Variants in MAGI3 observed in about 807,000 individuals in gnomAD.
MAGI3 encodes the protein membrane-associated guanylate kinase, WW and PDZ domain-containing protein 3.
MAGI3 carries 43 observed loss-of-function variants against 121.8 expected under a neutral mutation model. The ratio of observed to expected loss-of-function variants is 0.35; its 90% CI spans 0.28 to 0.46. The LOEUF (loss-of-function observed/expected upper bound fraction) is 0.46. Ranked by LOEUF, MAGI3 falls within the 20% of genes least tolerant of loss-of-function variation. The pLI, the probability that MAGI3 is intolerant of heterozygous loss-of-function variation, is 1.00. For missense variants in MAGI3, 1,547 were observed against 1,797.3 expected, an observed-to-expected ratio of 0.86 and a Z score of 2.52; for synonymous variants, 553 against 639.3, an observed-to-expected ratio of 0.86 and a Z score of 2.04.
chr1:113,407,637 C>T (rs184312841), intron 1 of MAGI3, among the ~76,000 whole-genome samples: 162 of 151,826 alleles, frequency 1.1e-3, no homozygotes, highest in East Asian at 3.1e-3. Context: ...CTTTTAAGTG[C>T]CCAGTTTTTC....
chr1:113,683,605 T>C lies in MAGI3; in HGVS notation c.4037T>C (p.Leu1346Ser). ...VIRKDAKQNQ[L>S]EKSRTRSPEK... The stretch of plus-strand genomic sequence containing the variant: ...AGGAAAGATGCAAAGCAGAATCAGT[T>C]GGAAAAAAGCAGAACAAGGTCTCCA... Residue 1346 changes from leucine (L) to serine (S), a missense_variant, in exon 21 of 21, where the codon TTG becomes TCG. Transcript: ENST00000307546. The C allele has an allele frequency of 6.2e-7, 1 of 1,613,568 alleles. No homozygotes were observed. Among genetic ancestry groups the C allele is most frequent in the Non-Finnish European group, 8.5e-7 (1 of 1,179,812 alleles).
chr1:113,682,665 A>G, intron 20 of MAGI3: 1 of 977,592 alleles, frequency 1.0e-6, no homozygotes, highest in Non-Finnish European at 1.2e-6. Context: ...ATGTAATTGG[A>G]AAAAATGAAT....
intron 1 of MAGI3, among the ~76,000 whole-genome samples, chr1:113,528,292 AC>A (rs1299719344): frequency 7.1e-6 from 1 of 140,588 alleles, no homozygotes; most frequent in African/African-American, 2.6e-5. Context: ...ACCTCCCCCA[AC>A]CTTTTTTTTT....
intron 8 of MAGI3, among the ~76,000 whole-genome samples, chr1:113,621,554 T>C (rs1650820831): frequency 6.6e-6 from 1 of 152,056 alleles, no homozygotes; most frequent in Admixed American, 6.6e-5. Flanking sequence ...CCAAGATGAA[T>C]GAAAATATGT....
chr1:113,539,863 A>G (rs1368773410), intron 1 of MAGI3, among the ~76,000 whole-genome samples: 1 of 150,456 alleles, frequency 6.6e-6, no homozygotes, highest in Non-Finnish European at 1.5e-5. Flanking sequence ...ATCATGGCTC[A>G]CTGTAGCTTC....
At chr1:113,666,957 A>G (rs1338221356) in intron 16 of MAGI3, among the ~76,000 whole-genome samples, 2 of 152,198 alleles carry the variant, frequency 1.3e-5, no homozygotes, top group Non-Finnish European at 2.9e-5. Context: ...TTTTGAAAGG[A>G]ATCTTTTTTT....
chr1:113,642,468 A>C lies in MAGI3; in HGVS notation c.1918A>C (p.Lys640Gln), dbSNP rs1373155611. Reference sequence around the variant, plus strand: ...ACATCTCCAAGTGGTAGAGGTGCTAAAGCAGTTTCCAGTAGGTGCTGATGT... The same window carrying C: ...ACATCTCCAAGTGGTAGAGGTGCTACAGCAGTTTCCAGTAGGTGCTGATGT... Reference protein sequence around the residue: ...LTHLQVVEVLKQFPVGADVPL... With the variant: ...LTHLQVVEVLQQFPVGADVPL... Residue 640 changes from lysine to glutamine, a missense_variant, in exon 10 of 21, where the codon AAG becomes CAG. Lys to Gln is a moderately conservative substitution (Grantham distance 53, BLOSUM62 1). Transcript: ENST00000307546. 6.8e-6 allele frequency: 11 copies of C among 1,614,006 alleles called. No individual in the cohort carries two copies. Among genetic ancestry groups the C allele is most frequent in the Non-Finnish European group, 9.3e-6 (11 of 1,179,992 alleles).
chr1:113,446,017 A>T (rs1654159653), intron 1 of MAGI3, among the ~76,000 whole-genome samples: 1 of 152,218 alleles, frequency 6.6e-6, no homozygotes, highest in Non-Finnish European at 1.5e-5. Flanking sequence ...TTATTGTAAC[A>T]ACAGTTTGTA....
intron 14 of MAGI3, among the ~76,000 whole-genome samples, chr1:113,651,409 G>A (rs1390243678): frequency 6.6e-6 from 1 of 152,034 alleles, no homozygotes; most frequent in East Asian, 1.9e-4. Flanking sequence ...ATAAATTTTG[G>A]GCTTCTATAT....
At chr1:113,665,363 ATGTG>A (rs1318743097) in intron 16 of MAGI3, among the ~76,000 whole-genome samples, 2 of 151,856 alleles carry the variant, frequency 1.3e-5, no homozygotes, top group African/African-American at 2.4e-5. Context: ...GGCTGATGAT[ATGTG>A]TGTGTGTGTA....
intron 13 of MAGI3, among the ~76,000 whole-genome samples, chr1:113,649,696 C>G (rs1016415285): frequency 8.5e-5 from 13 of 152,338 alleles, no homozygotes; most frequent in African/African-American, 3.1e-4. Flanking sequence ...CACTATTACT[C>G]TATCTTCTGG....
chr1:113,572,405 C>T (rs899842388), intron 2 of MAGI3, among the ~76,000 whole-genome samples: 1 of 152,194 alleles, frequency 6.6e-6, no homozygotes, highest in Non-Finnish European at 1.5e-5. Flanking sequence ...ATGCTGGACT[C>T]ATAAAATGAG....
chr1:113,661,086 A>T (rs915246393), intron 16 of MAGI3, among the ~76,000 whole-genome samples: 2 of 152,224 alleles, frequency 1.3e-5, no homozygotes, highest in Non-Finnish European at 2.9e-5. Context: ...TGACAAAAAA[A>T]CTACATAATA....
chr1:113,412,932 T>G (rs1488107162), intron 1 of MAGI3, among the ~76,000 whole-genome samples: 1 of 152,212 alleles, frequency 6.6e-6, no homozygotes, highest in African/African-American at 2.4e-5. Flanking sequence ...TTTTGGTGTT[T>G]TAGTCATGAA....
At chr1:113,520,647 T>C (rs141767780) in intron 1 of MAGI3, among the ~76,000 whole-genome samples, 127 of 152,222 alleles carry the variant, frequency 8.3e-4, no homozygotes, top group African/African-American at 2.9e-3. Context: ...CTCTGTCACC[T>C]AGGCTAGAGT....
At chr1:113,512,939 A>G (rs1205926350) in intron 1 of MAGI3, among the ~76,000 whole-genome samples, 1 of 152,234 alleles carries the variant, frequency 6.6e-6, no homozygotes, top group Non-Finnish European at 1.5e-5. Context: ...CTCAGGATAC[A>G]AAATCAATGT....
chr1:113,658,557 T>C lies in MAGI3; in HGVS notation c.2630-523T>C, dbSNP rs148399046. Among the ~76,000 whole-genome samples, 1 of 152,362 alleles carries C rather than the reference T, an allele frequency of 6.6e-6. No homozygotes were observed. The highest frequency in any genetic ancestry group is 2.4e-5 in the African/African-American group (1 of 41,592). On this transcript the variant is annotated intron_variant, in intron 15 of 20. Transcript: ENST00000307546. This position sits in a 1 kb window ranked among gnomAD's most constrained non-coding sequence, Gnocchi z 4.0. ...ATTTTAATTGTCAGTCATTTCACTG[T>C]ACCTGAATTTCTGACCAATAACTAC...
At chr1:113,446,458 A>G (rs1036355353) in intron 1 of MAGI3, among the ~76,000 whole-genome samples, 4 of 152,246 alleles carry the variant, frequency 2.6e-5, no homozygotes, top group African/African-American at 7.2e-5. Context: ...AGAAGGCAGT[A>G]ATGCAGGAAA....
intron 7 of MAGI3, among the ~76,000 whole-genome samples, chr1:113,616,138 A>T (rs1448205247): frequency 6.6e-6 from 1 of 152,206 alleles, no homozygotes; most frequent in Non-Finnish European, 1.5e-5. Flanking sequence ...TTATGCAAAG[A>T]TATAATATTA....
Sources: allele counts gnomAD v4.1 joint callset (sites outside exome capture counted in the v4.1 genomes callset), GRCh38; gene constraint gnomAD v4.1.1; non-coding constraint Gnocchi (gnomAD v3.1); transcripts MANE v1.5; gene names NCBI Gene and HGNC (gene_info 2026-07-23, HGNC 2026-07-21).